The following MARCHF1 variants were observed in gnomAD, a reference collection of about 807,000 sequenced individuals.
MARCHF1 encodes E3 ubiquitin-protein ligase MARCHF1.
Under a neutral mutation model 54.2 loss-of-function variants are expected in MARCHF1, and 40 were observed. The observed-to-expected ratio is 0.74, with a 90% confidence interval of 0.57 to 0.96. The LOEUF is 0.96. Ranked by LOEUF, MARCHF1 falls within the 40% of genes least tolerant of loss-of-function variation. MARCHF1 has a pLI of 0.00. For missense variants in MARCHF1, 586 were observed against 656.5 expected (o/e 0.89, Z 1.17); for synonymous variants, 236 against 236.3 (o/e 1.00, Z 0.01).
intron 3 of MARCHF1, among the ~76,000 whole-genome samples, chr4:163,944,269 AC>A (rs1168210639): frequency 2.0e-5 from 3 of 151,606 alleles, no homozygotes; most frequent in Non-Finnish European, 2.9e-5. Flanking sequence ...GGCGTGAGCC[AC>A]CGCGCCTGGC....
At chr4:163,683,591 G>A (rs951040136) in intron 5 of MARCHF1, among the ~76,000 whole-genome samples, 7 of 152,126 alleles carry the variant, frequency 4.6e-5, no homozygotes, top group South Asian at 2.1e-4. Context: ...TAGTTGGAAC[G>A]AGGTGTATTT....
chr4:163,561,997 A>G (rs942809745), intron 8 of MARCHF1, among the ~76,000 whole-genome samples: 1 of 152,090 alleles, frequency 6.6e-6, no homozygotes, highest in African/African-American at 2.4e-5. Context: ...AAATGTAGCT[A>G]TCAAAAACAA....
At chr4:163,995,440 T>G (rs934071458) in intron 2 of MARCHF1, among the ~76,000 whole-genome samples, 5 of 152,110 alleles carry the variant, frequency 3.3e-5, no homozygotes, top group African/African-American at 9.6e-5. Flanking sequence ...ACTTTCACCC[T>G]CTCCCTCCTC....
intron 2 of MARCHF1, among the ~76,000 whole-genome samples, chr4:163,994,740 T>TACACAC (rs576243307): frequency 2.9e-4 from 35 of 119,244 alleles, no homozygotes; most frequent in African/African-American, 9.8e-4. Flanking sequence ...CAAGCACACA[T>TACACAC]ACACACACAC....
At chr4:163,745,953 C>G (rs530375085) in intron 4 of MARCHF1, among the ~76,000 whole-genome samples, 115 of 152,282 alleles carry the variant, frequency 7.6e-4, no homozygotes, top group African/African-American at 2.5e-3. Context: ...ATAGCCTCCC[C>G]CATTATCAAC....
chr4:163,620,130 G>T (rs1270716111), intron 5 of MARCHF1, among the ~76,000 whole-genome samples: 3 of 152,084 alleles, frequency 2.0e-5, no homozygotes, highest in African/African-American at 7.2e-5. Context: ...TTCACAGAAA[G>T]GGAATTATAC....
chr4:163,569,183 G>C (rs1314040528), intron 8 of MARCHF1, among the ~76,000 whole-genome samples: 1 of 152,132 alleles, frequency 6.6e-6, no homozygotes, highest in African/African-American at 2.4e-5. Flanking sequence ...ACTCTAAGCT[G>C]TTCCAGGGTA....
At chr4:164,259,820 C>G (rs1327361457) in intron 1 of MARCHF1, among the ~76,000 whole-genome samples, 8 of 152,114 alleles carry the variant, frequency 5.3e-5, no homozygotes, top group Non-Finnish European at 7.3e-5. Context: ...TAGCTCAGCT[C>G]TTTGGGGATA....
chr4:163,662,227 T>A (rs886417994), intron 5 of MARCHF1, among the ~76,000 whole-genome samples: 1 of 152,030 alleles, frequency 6.6e-6, no homozygotes, highest in African/African-American at 2.4e-5. Context: ...TAATGAAATT[T>A]CACATATTGT....
At chr4:164,256,721 G>T (rs1180717645) in intron 1 of MARCHF1, among the ~76,000 whole-genome samples, 1 of 152,134 alleles carries the variant, frequency 6.6e-6, no homozygotes, top group African/African-American at 2.4e-5. Context: ...GTGTACAAGA[G>T]TAAGTTGAAA....
At chr4:164,320,422 C>T (rs571938107) in intron 1 of MARCHF1, among the ~76,000 whole-genome samples, 2 of 152,144 alleles carry the variant, frequency 1.3e-5, no homozygotes, top group Admixed American at 6.5e-5. Context: ...GATGAGAAAT[C>T]GTGGGCAAGG....
intron 2 of MARCHF1, among the ~76,000 whole-genome samples, chr4:164,018,137 C>T (rs1425439440): frequency 3.3e-5 from 5 of 151,670 alleles, no homozygotes; most frequent in South Asian, 2.1e-4. Context: ...TTGCTTCACA[C>T]GATAAACAAA....
chr4:164,153,243 A>C (rs1729991947), intron 1 of MARCHF1, among the ~76,000 whole-genome samples: 1 of 145,244 alleles, frequency 6.9e-6, no homozygotes, highest in Non-Finnish European at 1.5e-5. Flanking sequence ...GCAGTCACTT[A>C]CACTACCTTA....
intron 5 of MARCHF1, among the ~76,000 whole-genome samples, chr4:163,666,519 C>A (rs1178953639): frequency 6.6e-6 from 1 of 152,100 alleles, no homozygotes; most frequent in Non-Finnish European, 1.5e-5. Context: ...CATGTTCAAA[C>A]ACACCATTTG....
chr4:164,315,061 TG>T (rs1188541684), intron 1 of MARCHF1, among the ~76,000 whole-genome samples: 1 of 152,070 alleles, frequency 6.6e-6, no homozygotes, highest in Non-Finnish European at 1.5e-5. Context: ...CACAGTTTAC[TG>T]GAGTATGGCA....
chr4:163,992,247 AC>A (rs1351557701), intron 2 of MARCHF1, among the ~76,000 whole-genome samples: 1 of 152,090 alleles, frequency 6.6e-6, no homozygotes, highest in African/African-American at 2.4e-5. Flanking sequence ...TGTTTTCTGA[AC>A]CATGCTAGGA....
At chr4:164,074,828 A>G (rs551645494) in intron 2 of MARCHF1, among the ~76,000 whole-genome samples, 35 of 151,572 alleles carry the variant, frequency 2.3e-4, no homozygotes, top group Non-Finnish European at 4.3e-4. Flanking sequence ...AAATATACAT[A>G]CTATATGTAA....
intron 3 of MARCHF1, among the ~76,000 whole-genome samples, chr4:163,969,754 T>C (rs1752513035): frequency 6.6e-6 from 1 of 152,172 alleles, no homozygotes; most frequent in Admixed American, 6.5e-5. Context: ...GCGTTTATCA[T>C]TCAAAAAATG....
intron 5 of MARCHF1, among the ~76,000 whole-genome samples, chr4:163,666,674 G>A (rs1014527950): frequency 6.6e-6 from 1 of 151,896 alleles, no homozygotes; most frequent in African/African-American, 2.4e-5. Flanking sequence ...AGTAGGATCA[G>A]ACAGAAGATG....
Sources: allele counts gnomAD v4.1 joint callset (sites outside exome capture counted in the v4.1 genomes callset), GRCh38; gene constraint gnomAD v4.1.1; transcripts MANE v1.5; gene names NCBI Gene and HGNC (gene_info 2026-07-23, HGNC 2026-07-21).